COL11A2: variants seen among roughly 807,000 people sequenced by gnomAD.
COL11A2 encodes collagen alpha-2(XI) chain.
In COL11A2, 116 loss-of-function variants were observed where a neutral mutation model predicts 273.4. The observed-to-expected ratio is 0.42, with a 90% confidence interval of 0.36 to 0.49. The LOEUF (loss-of-function observed/expected upper bound fraction) is 0.49, where lower values mean the gene tolerates loss of function less well. Among genes scored for constraint, COL11A2 ranks in the 20% least tolerant of loss-of-function variants. The pLI, the probability that COL11A2 is intolerant of heterozygous loss-of-function variation, is 0.00. For synonymous variants in COL11A2, 782 were observed against 864.2 expected, an observed-to-expected ratio of 0.90 and a Z score of 1.67; for missense variants, 1,866 against 2,309.0, an observed-to-expected ratio of 0.81 and a Z score of 3.93.
rs980995523 is a variant in COL11A2, at chr6:33,188,980, G to C, written c.441C>G (p.Gly147=). 1 of 1,614,034 alleles carries C rather than the reference G, an allele frequency of 6.2e-7. No individual in the cohort carries two copies. The highest frequency in any genetic ancestry group is 8.5e-7 in the Non-Finnish European group (1 of 1,180,016). The part of the protein sequence containing the change: ...PVFRGLSLAD[G]KWHRVAVAVK... ...ACCAGAGGAGCAAACAAACTTACTT[G>C]CCATCTGCTAGGCTGAGGCCTCGGA... Residue 147 remains glycine (G), a splice_region_variant and synonymous_variant, in exon 3 of 66, where the codon GGC becomes GGG. Coordinates refer to ENST00000341947, the MANE Select transcript of COL11A2 (RefSeq NM_080680.3).
chr6:33,167,648 C>A lies in COL11A2; in HGVS notation c.4015-115G>T, dbSNP rs1769363283. The A allele has an allele frequency of 2.1e-6, 3 of 1,457,490 alleles. No individual in the cohort carries two copies. The highest frequency in any genetic ancestry group is 1.2e-5 in the South Asian group (1 of 84,618). 90.3% of individuals were successfully genotyped at this position (1,457,490 alleles called of 1,614,324 possible). On this transcript the variant is annotated intron_variant, in intron 55 of 65. Transcript: ENST00000341947. The surrounding 1 kb of genome is among the most constrained non-coding windows in gnomAD (Gnocchi z 6.1). ...GGGAGGAAGGGCCAAACTCTAGGAG[C>A]CCCTAGCGCAGGAACAAGTACAGGG... is the stretch of plus-strand genomic sequence containing the variant.
Position 33,180,674 on chromosome 6 carries a change from T to C in COL11A2, c.1278A>G (p.Gly426=), listed in dbSNP as rs1439222274. 1 of 1,607,968 alleles carries C rather than the reference T, an allele frequency of 6.2e-7. No homozygotes were observed. Among genetic ancestry groups the C allele is most frequent in the Non-Finnish European group, 8.5e-7 (1 of 1,177,760 alleles). Residue 426 remains glycine, a synonymous_variant, in exon 11 of 66, where the codon GGA becomes GGG. Coordinates refer to ENST00000341947, the MANE Select transcript of COL11A2 (RefSeq NM_080680.3). The part of the protein sequence containing the change: ...QGNPGPVGDP[G]ERGPPGRAGL... ...ATGGAGGACACCCCCTTACCCTCTC[T>C]CCAGGGTCTCCAACTGGGCCTGGGT... is the stretch of plus-strand genomic sequence containing the variant.
chr6:33,176,312 A>G lies in COL11A2; in HGVS notation c.2170-9T>C. 7 of 1,604,972 alleles carry G rather than the reference A, an allele frequency of 4.4e-6. No individual in the cohort carries two copies. Among genetic ancestry groups the G allele is most frequent in the Non-Finnish European group, 6.0e-6 (7 of 1,175,800 alleles). On this transcript the variant is annotated splice_polypyrimidine_tract_variant and intron_variant, in intron 27 of 65. Coordinates refer to ENST00000341947, the MANE Select transcript of COL11A2 (RefSeq NM_080680.3). This position sits in a 1 kb window ranked among gnomAD's most constrained non-coding sequence, Gnocchi z 4.9. ...CGAATTCCGTCCACACCCTAGAATT[A>G]GAGAGGGGATAGAAGTAGACTGATC... is the stretch of plus-strand genomic sequence containing the variant.
rs1031875479 is a variant in COL11A2 at position 33,167,050 on chromosome 6, C to T, written c.4230+20G>A. On this transcript the variant is annotated intron_variant, in intron 58 of 65. Coordinates refer to ENST00000341947, the MANE Select transcript of COL11A2 (RefSeq NM_080680.3). The surrounding 1 kb of genome is among the most constrained non-coding windows in gnomAD (Gnocchi z 6.1). ...GGGTGATGGGAGAGACACCTGGCCA[C>T]GTGTCTGTCTGTCACTCACCTTCTC... 3.7e-6 allele frequency: 6 copies of T among 1,612,888 alleles called. No homozygotes were observed. Among genetic ancestry groups the T allele is most frequent in the South Asian group, 1.1e-5 (1 of 91,022 alleles).
rs1315185194 is a variant in COL11A2, at chr6:33,166,080, G to A, written c.4428+91C>T. 6.2e-7 allele frequency: 1 copy of A among 1,602,118 alleles called. No homozygotes were observed. Among genetic ancestry groups the A allele is most frequent in the Non-Finnish European group, 8.5e-7 (1 of 1,172,822 alleles). ...AATCAGCCTCCTGGCTGGAATAAGG[G>A]GCTCCTTGGGGGGAGTCTATTTGTC... On this transcript the variant is annotated intron_variant, in intron 61 of 65. Transcript: ENST00000341947. The surrounding 1 kb of genome is among the most constrained non-coding windows in gnomAD (Gnocchi z 4.8).
rs1770343101 is a variant in COL11A2 at position 33,173,027 on chromosome 6, C to G, written c.2790+33G>C. ...GGGGCAGACAGACTAATGCTAGGGT[C>G]AGGGGTCCATTCTCTCCTAGGGACA... On this transcript the variant is annotated intron_variant, in intron 38 of 65. Coordinates refer to ENST00000341947, the MANE Select transcript of COL11A2 (RefSeq NM_080680.3). The surrounding 1 kb of genome is among the most constrained non-coding windows in gnomAD (Gnocchi z 6.3). 1 of 1,607,016 alleles carries G rather than the reference C, an allele frequency of 6.2e-7. No homozygotes were observed. Among genetic ancestry groups the G allele is most frequent in the Admixed American group, 1.7e-5 (1 of 59,916 alleles).
chr6:33,178,053 G>C lies in COL11A2; in HGVS notation c.1872+79C>G. 1.4e-6 allele frequency: 2 copies of C among 1,400,574 alleles called. No homozygotes were observed. The highest frequency in any genetic ancestry group is 2.0e-6 in the Non-Finnish European group (2 of 1,005,382). 86.8% of individuals were successfully genotyped at this position (1,400,574 alleles called of 1,614,324 possible). ...GAAGCATGCCGAGAGAGGAGAGGGA[G>C]CAGGAAGGCAGCTAGAAAGGTGGAG... is the stretch of plus-strand genomic sequence containing the variant. On this transcript the variant is annotated intron_variant, in intron 21 of 65. Coordinates refer to ENST00000341947, the MANE Select transcript of COL11A2 (RefSeq NM_080680.3). The surrounding 1 kb of genome is among the most constrained non-coding windows in gnomAD (Gnocchi z 4.6).
Position 33,188,387 on chromosome 6 carries a change from C to T in COL11A2, c.581G>A (p.Arg194His), listed in dbSNP as rs768629458. 1.1e-5 allele frequency: 18 copies of T among 1,612,924 alleles called. No individual in the cohort carries two copies. The highest frequency in any genetic ancestry group is 1.6e-4 in the Middle Eastern group (1 of 6,078). Residue 194 changes from arginine to histidine, a missense_variant, in exon 4 of 66, where the codon CGT becomes CAT. Transcript: ENST00000341947. ...CTCAAAGACTTCTTCATCCAGAATA[C>T]GGGCACCAAAGATGATCACTCCATG... ...DTHGVIIFGARILDEEVFEGD... is the reference protein window; with the variant it reads ...DTHGVIIFGAHILDEEVFEGD...
rs1769241334 is a variant in COL11A2, at chr6:33,166,950, G to C, written c.4230+120C>G. Reference sequence around the variant, plus strand: ...TCCGTGAGTGGCCCTCACTGAGCAGGGACTCCCTGGGACTGGCTGCCGGAG... The same window carrying C: ...TCCGTGAGTGGCCCTCACTGAGCAGCGACTCCCTGGGACTGGCTGCCGGAG... On this transcript the variant is annotated intron_variant, in intron 58 of 65. Coordinates refer to ENST00000341947, the MANE Select transcript of COL11A2 (RefSeq NM_080680.3). The surrounding 1 kb of genome is among the most constrained non-coding windows in gnomAD (Gnocchi z 4.8). The C allele has an allele frequency of 2.0e-6, 3 of 1,517,446 alleles. No individual in the cohort carries two copies. The African/African-American group carries it at 4.1e-5, about 21-fold the overall frequency. The allele number at this position is 1,517,446 out of a possible 1,614,324, so 94.0% of individuals were successfully genotyped here.
chr6:33,170,561 G>C lies in COL11A2; in HGVS notation c.3524C>G (p.Pro1175Arg). 6.2e-7 allele frequency: 1 copy of C among 1,612,308 alleles called. No homozygotes were observed. The highest frequency in any genetic ancestry group is 1.3e-5 in the African/African-American group (1 of 74,920). Residue 1175 changes from proline (P) to arginine (R), a missense_variant, in exon 47 of 66, where the codon CCT becomes CGT. Physicochemically the swap from Pro to Arg is moderately radical, Grantham distance 103 (BLOSUM62 -2). Transcript: ENST00000341947. The surrounding 1 kb of genome is among the most constrained non-coding windows in gnomAD (Gnocchi z 4.3). ...GTCAGTAGGGGTCACACTCACCATA[G>C]GACCCACATCTCCTGTTTCTCCCTT... ...GEKGETGDVG[P>R]MGPPGPPGPR... is the part of the protein sequence containing the mutation.
chr6:33,172,685 T>C (rs1770283425), intron 38 of COL11A2, 48 bp from the exon 39 acceptor site: 1 of 1,547,276 alleles, frequency 6.5e-7, no homozygotes, highest in Non-Finnish European at 8.9e-7. Context: ...TTCATCTCGC[T>C]GTCTGCCAGA....
intron 8 of COL11A2, 22 bp from the exon 9 acceptor site, chr6:33,181,192 C>T: frequency 6.2e-7 from 1 of 1,613,804 alleles, no homozygotes; most frequent in Non-Finnish European, 8.5e-7. Flanking sequence ...ACACATGTAG[C>T]CCCCAGTGGG....
At chr6:33,180,887 A>C (rs1771643323) in intron 10 of COL11A2, 77 bp downstream of exon 10, 4 of 1,587,432 alleles carry the variant, frequency 2.5e-6, no homozygotes, top group Non-Finnish European at 3.5e-6. Flanking sequence ...GCCTGGGCAT[A>C]TGTGGGGAAG....
chr6:33,165,114 C>A lies in COL11A2; in HGVS notation c.4751-150G>T. 1.5e-6 allele frequency: 1 copy of A among 666,470 alleles called. No individual in the cohort carries two copies. Among genetic ancestry groups the A allele is most frequent in the Non-Finnish European group, 2.7e-6 (1 of 373,834 alleles). The allele number at this position is 666,470 out of a possible 1,614,324, so 41.3% of individuals were successfully genotyped here. On this transcript the variant is annotated intron_variant, in intron 63 of 65. Transcript: ENST00000341947. This position sits in a 1 kb window ranked among gnomAD's most constrained non-coding sequence, Gnocchi z 7.7. ...CCCTCCCAGAGCCCTAGAATCTAGC[C>A]CTACTGCTGGATTCTACTGCAGCAT...
Position 33,164,517 on chromosome 6 carries a change from G to C in COL11A2, c.4864-44C>G. ...CTGGCCTCAGAGGGGGAGAGAGAGGGCTGGCCTCAGAGGGAGACAGAGACG... is the reference window on the plus strand; with the variant it reads ...CTGGCCTCAGAGGGGGAGAGAGAGGCCTGGCCTCAGAGGGAGACAGAGACG... On this transcript the variant is annotated intron_variant, in intron 64 of 65. Coordinates refer to ENST00000341947, the MANE Select transcript of COL11A2 (RefSeq NM_080680.3). This position sits in a 1 kb window ranked among gnomAD's most constrained non-coding sequence, Gnocchi z 4.7. The C allele has an allele frequency of 6.8e-7, 1 of 1,464,650 alleles. No individual in the cohort carries two copies. Among genetic ancestry groups the C allele is most frequent in the Non-Finnish European group, 9.2e-7 (1 of 1,090,812 alleles). The allele number at this position is 1,464,650 out of a possible 1,614,324, so 90.7% of individuals were successfully genotyped here. A position where few individuals can be genotyped will look rare whatever the true frequency, so the allele number is the denominator to read the frequency against.
In COL11A2 at chr6:33,163,925, G is replaced by A. The variant is rs1288218555; in HGVS notation, c.5071-107C>T. On this transcript the variant is annotated intron_variant, in intron 65 of 65. Coordinates refer to ENST00000341947, the MANE Select transcript of COL11A2 (RefSeq NM_080680.3). The surrounding 1 kb of genome is among the most constrained non-coding windows in gnomAD (Gnocchi z 4.1). The stretch of plus-strand genomic sequence containing the variant: ...CCTCTGAGCACCTTGGCCCCATCAG[G>A]GTGACTCAGGATGTACAGACTGGCA... The A allele has an allele frequency of 4.6e-6, 7 of 1,530,608 alleles. No homozygotes were observed. The African/African-American group carries it at 6.8e-5, about 15-fold the overall frequency. 94.8% of individuals were successfully genotyped at this position (1,530,608 alleles called of 1,614,324 possible).
chr6:33,172,375 C>A lies in COL11A2; in HGVS notation c.2902G>T (p.Asp968Tyr), dbSNP rs1239358102. 16 of 1,585,710 alleles carry A rather than the reference C, an allele frequency of 1.0e-5. No individual in the cohort carries two copies. Among genetic ancestry groups the A allele is most frequent in the Non-Finnish European group, 1.3e-5 (15 of 1,166,508 alleles). ...GTAGKEGTKG[D>Y]PGPPGAPGKD... The stretch of plus-strand genomic sequence containing the variant: ...CCTGGGGCCCCAGGGGGACCAGGGT[C>A]ACCCTAAAAGGAAAGGAGAGGTGAT... The change falls in exon 40 of 66, where the codon GAC becomes TAC. Residue 968 changes from aspartate to tyrosine, a missense_variant. By Grantham distance (160) the Asp-to-Tyr change is radical (BLOSUM62 -3). Coordinates refer to ENST00000341947, the MANE Select transcript of COL11A2 (RefSeq NM_080680.3).
At position 33,167,203 on chromosome 6, in the gene COL11A2, C is replaced by A; in HGVS notation, c.4176+61G>T. The stretch of plus-strand genomic sequence containing the variant: ...CCAACAGCCTCCACTTCCTCCAGGG[C>A]TTCAGCTCTGTCCCAGGGCACTGCC... On this transcript the variant is annotated intron_variant, in intron 57 of 65. Transcript: ENST00000341947. This position sits in a 1 kb window ranked among gnomAD's most constrained non-coding sequence, Gnocchi z 6.1. 5 of 1,613,876 alleles carry A rather than the reference C, an allele frequency of 3.1e-6. No homozygotes were observed. Among genetic ancestry groups the A allele is most frequent in the Non-Finnish European group, 4.2e-6 (5 of 1,179,792 alleles).
In COL11A2 at chr6:33,163,728, G is replaced by T; in HGVS notation, c.5161C>A (p.Pro1721Thr). The change falls in exon 66 of 66, where the codon CCA becomes ACA. Residue 1721 changes from proline (P) to threonine (T), a missense_variant. Coordinates refer to ENST00000341947, the MANE Select transcript of COL11A2 (RefSeq NM_080680.3). This position sits in a 1 kb window ranked among gnomAD's most constrained non-coding sequence, Gnocchi z 4.1. ...LDASFSDLGAPPRRGGVLLGP... is the reference protein window; with the variant it reads ...LDASFSDLGATPRRGGVLLGP... ...AGCAGCACCCCTCCCCGCCTCGGTGGGGCTCCCAGGTCTGAGAAGGAGGCA... is the reference window on the plus strand; with the variant it reads ...AGCAGCACCCCTCCCCGCCTCGGTGTGGCTCCCAGGTCTGAGAAGGAGGCA... 6.2e-7 allele frequency: 1 copy of T among 1,613,106 alleles called. No individual in the cohort carries two copies. Among genetic ancestry groups the T allele is most frequent in the South Asian group, 1.1e-5 (1 of 91,082 alleles).
Sources: allele counts gnomAD v4.1 joint callset, GRCh38; gene constraint gnomAD v4.1.1; non-coding constraint Gnocchi (gnomAD v3.1); transcripts MANE v1.5; gene names NCBI Gene and HGNC (gene_info 2026-07-23, HGNC 2026-07-21).